The following WDFY2 variants were observed in gnomAD, a reference collection of about 807,000 sequenced individuals.
WDFY2 encodes WD repeat and FYVE domain containing 2.
In WDFY2, 36 loss-of-function variants were observed where a neutral mutation model predicts 56.4. That is an observed-to-expected ratio of 0.64 (90% CI 0.49 to 0.84). The LOEUF (loss-of-function observed/expected upper bound fraction) is 0.84. Ranked by LOEUF, WDFY2 falls within the 40% of genes least tolerant of loss-of-function variation. The probability of loss-of-function intolerance (pLI) is 0.00; values close to 1 mark genes in which losing one functional copy is unlikely to be tolerated. For missense variants in WDFY2, 444 were observed against 512.2 expected, an observed-to-expected ratio of 0.87 and a Z score of 1.29; for synonymous variants, 176 against 183.7, an observed-to-expected ratio of 0.96 and a Z score of 0.34.
intron 1 of WDFY2, among the ~76,000 whole-genome samples, chr13:51,654,197 C>G (rs987962332): frequency 6.6e-6 from 1 of 152,228 alleles, no homozygotes; most frequent in Non-Finnish European, 1.5e-5. Flanking sequence ...GTAGGACCCT[C>G]CGAGCCAGGC....
rs1440391975 is a variant in WDFY2 at position 51,763,363 on chromosome 13, T to TC, written c.*3598dup. ...TCCACATAAATTCCTTCCTATACAT[T>TC]CCCCTCAGACCACCCCAGAGGCAAA... On this transcript the variant is annotated 3_prime_UTR_variant, in exon 12 of 12. Transcript: ENST00000298125. 6.6e-6 allele frequency: 1 copy of TC among 152,130 alleles called. No homozygotes were observed. Among genetic ancestry groups the TC allele is most frequent in the African/African-American group, 2.4e-5 (1 of 41,418 alleles). The allele number at this position is 152,130 out of a possible 1,614,324, so 9.4% of individuals were successfully genotyped here.
intron 1 of WDFY2, among the ~76,000 whole-genome samples, chr13:51,618,814 G>T (rs965930993): frequency 3.3e-5 from 5 of 152,196 alleles, no homozygotes; most frequent in African/African-American, 1.2e-4. Flanking sequence ...GTCTGCCAAT[G>T]CAAAACAATA....
intron 1 of WDFY2, chr13:51,586,948 AATTG>A (rs1179386652): frequency 6.6e-6 from 1 of 152,184 alleles, no homozygotes; most frequent in Non-Finnish European, 1.5e-5. Flanking sequence ...TCATTAAAAT[AATTG>A]ATCTATATTC....
At chr13:51,744,267 A>G (rs564442707) in intron 7 of WDFY2, among the ~76,000 whole-genome samples, 28 of 152,346 alleles carry the variant, frequency 1.8e-4, no homozygotes, top group Middle Eastern at 3.4e-3. Flanking sequence ...GAAATGAACA[A>G]TGCTATACAT....
At chr13:51,616,300 A>T (rs1954612811) in intron 1 of WDFY2, among the ~76,000 whole-genome samples, 2 of 152,198 alleles carry the variant, frequency 1.3e-5, no homozygotes, top group South Asian at 4.1e-4. Context: ...TCAGATAGCG[A>T]TTTTTATGAC....
chr13:51,719,373 C>T (rs3803201), intron 5 of WDFY2, 25 bp downstream of exon 5: 156,202 of 1,533,812 alleles, frequency 0.1, 10,028 homozygotes, highest in East Asian at 0.32. Flanking sequence ...ACAAAAATCT[C>T]TTAGTGGGAA....
At chr13:51,754,977 C>T (rs1433300000) in intron 8 of WDFY2, among the ~76,000 whole-genome samples, 1 of 152,134 alleles carries the variant, frequency 6.6e-6, no homozygotes, top group African/African-American at 2.4e-5. Flanking sequence ...CTCTCATTTC[C>T]CCATCTGTGC....
chr13:51,634,857 C>G (rs367961776), intron 1 of WDFY2, among the ~76,000 whole-genome samples: 1 of 152,176 alleles, frequency 6.6e-6, no homozygotes, highest in Admixed American at 6.5e-5. Flanking sequence ...ATCCATAGGT[C>G]AGAGTTGGAG....
At chr13:51,684,626 C>T (rs1172662810) in intron 3 of WDFY2, among the ~76,000 whole-genome samples, 1 of 151,988 alleles carries the variant, frequency 6.6e-6, no homozygotes, top group African/African-American at 2.4e-5. Flanking sequence ...AATTCTCTTT[C>T]CCTCCAAATA....
chr13:51,722,028 C>G (rs1952502706), intron 5 of WDFY2, among the ~76,000 whole-genome samples: 1 of 129,610 alleles, frequency 7.7e-6, no homozygotes. Flanking sequence ...TCCACACTTA[C>G]AGGGGTTTTG....
chr13:51,617,650 C>CCTTAGGGTGGAACAT (rs1261760571), intron 1 of WDFY2, among the ~76,000 whole-genome samples: 1 of 152,134 alleles, frequency 6.6e-6, no homozygotes, highest in Non-Finnish European at 1.5e-5. Context: ...CCTTCAGATT[C>CCTTAGGGTGGAACAT]CTTAGGGTGG....
chr13:51,666,571 T>C (rs1220045476), intron 2 of WDFY2, among the ~76,000 whole-genome samples: 2 of 152,176 alleles, frequency 1.3e-5, no homozygotes, highest in African/African-American at 2.4e-5. Context: ...TGTACAAATA[T>C]AATTTTCCAT....
chr13:51,729,205 C>T lies in WDFY2; in HGVS notation c.598+1415C>T, dbSNP rs540498867. 4.6e-5 allele frequency among the ~76,000 whole-genome samples: 7 copies of T among 152,188 alleles called. No individual in the cohort carries two copies. The East Asian group carries it at 9.7e-4, about 21-fold the overall frequency. Reference sequence around the variant, plus strand: ...CCAGCTGCTGGGTCTACAGTAGTCACGCTGCCTTGAGGCTTAGACCATCAT... The same window carrying T: ...CCAGCTGCTGGGTCTACAGTAGTCATGCTGCCTTGAGGCTTAGACCATCAT... On this transcript the variant is annotated intron_variant, in intron 6 of 11. Coordinates refer to ENST00000298125, the MANE Select transcript of WDFY2 (RefSeq NM_052950.4).
chr13:51,753,084 G>A (rs1371522134), intron 8 of WDFY2: 2 of 152,234 alleles, frequency 1.3e-5, no homozygotes, highest in Non-Finnish European at 2.9e-5. Flanking sequence ...AGAAGGGATG[G>A]AGTCATCATT....
intron 1 of WDFY2, among the ~76,000 whole-genome samples, chr13:51,650,732 G>A (rs749660011): frequency 5.3e-5 from 8 of 152,192 alleles, no homozygotes; most frequent in South Asian, 2.1e-4. Flanking sequence ...ATTTGCGTAT[G>A]TTGAACCAGC....
chr13:51,604,477 A>G (rs151158891), intron 1 of WDFY2, among the ~76,000 whole-genome samples: 1 of 152,304 alleles, frequency 6.6e-6, no homozygotes, highest in East Asian at 1.9e-4. Flanking sequence ...TTATGAGCCT[A>G]CAGAGTAACT....
intron 1 of WDFY2, among the ~76,000 whole-genome samples, chr13:51,650,091 C>CA (rs1390268283): frequency 3.3e-5 from 5 of 151,968 alleles, no homozygotes; most frequent in African/African-American, 1.2e-4. Flanking sequence ...TCTTTTATTT[C>CA]GTTGAGCAGT....
chr13:51,726,220 G>A (rs573459491), intron 5 of WDFY2, among the ~76,000 whole-genome samples: 81 of 151,596 alleles, frequency 5.3e-4, no homozygotes, highest in African/African-American at 1.9e-3. Context: ...TCTCATATGC[G>A]TTGGCTGCCC....
At chr13:51,718,214 T>C (rs955923612) in intron 4 of WDFY2, among the ~76,000 whole-genome samples, 1 of 152,136 alleles carries the variant, frequency 6.6e-6, no homozygotes, top group Non-Finnish European at 1.5e-5. Flanking sequence ...CTGCCAGCCC[T>C]TGGGAGCAGG....
Sources: gnomAD v4.1 joint callset for allele counts (sites outside exome capture counted in the v4.1 genomes callset) on GRCh38, gnomAD v4.1.1 for gene constraint, MANE v1.5 for transcripts, NCBI Gene and HGNC (gene_info 2026-07-23, HGNC 2026-07-21) for gene names.